Variants in ATP6V0A2 observed in about 807,000 individuals in gnomAD.
The protein encoded by ATP6V0A2 is ATPase H+ transporting V0 subunit a2, also known as V-type proton ATPase 116 kDa subunit a 2.
ATP6V0A2 carries 58 observed loss-of-function variants against 104.4 expected under a neutral mutation model. The ratio of observed to expected loss-of-function variants is 0.56; its 90% CI spans 0.45 to 0.69. ATP6V0A2 has a LOEUF of 0.69. ATP6V0A2 is among the 30% of genes least tolerant of loss of function. The probability of loss-of-function intolerance (pLI) is 0.00; values close to 1 mark genes in which losing one functional copy is unlikely to be tolerated. For missense variants in ATP6V0A2, 938 were observed against 1,062.9 expected, an observed-to-expected ratio of 0.88 and a Z score of 1.63; for synonymous variants, 376 against 397.9, an observed-to-expected ratio of 0.95 and a Z score of 0.65.
At position 123,722,444 on chromosome 12, in the gene ATP6V0A2, T is replaced by C. The variant is rs999069729; in HGVS notation, c.290T>C (p.Met97Thr). ...PAPPLKQVLEMQEQLQKLEVE... is the reference protein window; with the variant it reads ...PAPPLKQVLETQEQLQKLEVE... The stretch of plus-strand genomic sequence containing the variant: ...CCACCCCTGAAACAGGTTCTAGAAA[T>C]GCAGGTAACTTGCTTCTGACGAAGC... Residue 97 changes from methionine to threonine, a missense_variant, in exon 3 of 20, where the codon ATG (methionine) becomes ACG (threonine). By Grantham distance (81) the Met-to-Thr change is moderately conservative. Coordinates refer to ENST00000330342, the MANE Select transcript of ATP6V0A2 (RefSeq NM_012463.4). 1 of 1,601,238 alleles carries C rather than the reference T, an allele frequency of 6.2e-7. No individual in the cohort carries two copies. Among genetic ancestry groups the C allele is most frequent in the Non-Finnish European group, 8.6e-7 (1 of 1,168,256 alleles).
Position 123,756,978 on chromosome 12 carries a change from C to T in ATP6V0A2, c.2457C>T (p.Arg819=). The change falls in exon 19 of 20, where the codon CGC becomes CGT. Residue 819 remains arginine (R), a synonymous_variant. Coordinates refer to ENST00000330342, the MANE Select transcript of ATP6V0A2 (RefSeq NM_012463.4). ...TTTCTGCGTTTCTTCACGCCATACG[C>T]CTCCACTGGTGAGTTTGAAACCTAG... ...EGLSAFLHAI[R]LHWVEFQNKF... 6.2e-7 allele frequency: 1 copy of T among 1,614,208 alleles called. No homozygotes were observed. The highest frequency in any genetic ancestry group is 8.5e-7 in the Non-Finnish European group (1 of 1,180,034).
rs555457146 is a variant in ATP6V0A2 at position 123,744,047 on chromosome 12, C to A, written c.1189+112C>A. ...AGGCTGACCATTACTTTTTTGCTATCTTATTTAAAAGTATAAGGTTTTAAA... is the reference window on the plus strand; with the variant it reads ...AGGCTGACCATTACTTTTTTGCTATATTATTTAAAAGTATAAGGTTTTAAA... On this transcript the variant is annotated intron_variant, in intron 10 of 19. Transcript: ENST00000330342. This position sits in a 1 kb window ranked among gnomAD's most constrained non-coding sequence, Gnocchi z 5.4. The A allele has an allele frequency of 7.4e-5, 115 of 1,551,686 alleles. No homozygotes were observed. The African/African-American group carries it at 1.5e-3, about 21-fold the overall frequency.
chr12:123,725,014 C>T (rs540989796), intron 4 of ATP6V0A2, among the ~76,000 whole-genome samples: 2 of 152,248 alleles, frequency 1.3e-5, no homozygotes, highest in South Asian at 4.1e-4. Context: ...CGGCTCACTG[C>T]ACCCTCCGCC....
intron 1 of ATP6V0A2, among the ~76,000 whole-genome samples, chr12:123,715,235 T>C (rs556501549): frequency 2.0e-5 from 3 of 152,318 alleles, no homozygotes; most frequent in Admixed American, 2.0e-4. Context: ...TATTTGATAT[T>C]GAAGGAAGAA....
Position 123,744,979 on chromosome 12 carries a change from G to A in ATP6V0A2, c.1605+7G>A. ...TCCCCTTGGCATTGATCCTGTGAGTGCACCACGCTCTGTCGTTGTCTCTGG... is the reference window on the plus strand; with the variant it reads ...TCCCCTTGGCATTGATCCTGTGAGTACACCACGCTCTGTCGTTGTCTCTGG... On this transcript the variant is annotated splice_region_variant and intron_variant, in intron 13 of 19. Transcript: ENST00000330342. This position sits in a 1 kb window ranked among gnomAD's most constrained non-coding sequence, Gnocchi z 5.4. 1.2e-6 allele frequency: 2 copies of A among 1,613,454 alleles called. No homozygotes were observed. Among genetic ancestry groups the A allele is most frequent in the Non-Finnish European group, 1.7e-6 (2 of 1,179,354 alleles).
In ATP6V0A2 at chr12:123,744,469, C is replaced by A. The variant is rs1240042230; in HGVS notation, c.1327-128C>A. 6.4e-7 allele frequency: 1 copy of A among 1,557,692 alleles called. No individual in the cohort carries two copies. The highest frequency in any genetic ancestry group is 8.8e-7 in the Non-Finnish European group (1 of 1,134,386). ...CAGGTGTGTGGCCTGTCAGCTGCGG[C>A]TGACAGGGATGTCTGCGGGGCGAGG... On this transcript the variant is annotated intron_variant, in intron 11 of 19. Coordinates refer to ENST00000330342, the MANE Select transcript of ATP6V0A2 (RefSeq NM_012463.4). The surrounding 1 kb of genome is among the most constrained non-coding windows in gnomAD (Gnocchi z 5.4).
chr12:123,727,645 A>T, intron 5 of ATP6V0A2, 138 bp from the exon 6 acceptor site: 1 of 971,240 alleles, frequency 1.0e-6, no homozygotes, highest in East Asian at 2.4e-5. Flanking sequence ...TCTGACCAGC[A>T]CCTGAGATGT....
chr12:123,715,684 A>G (rs114600410), intron 1 of ATP6V0A2, among the ~76,000 whole-genome samples: 1,579 of 152,350 alleles, frequency 0.01, 31 homozygotes, highest in African/African-American at 0.036. Flanking sequence ...AAACATAAGA[A>G]TAGTAACATA....
chr12:123,750,906 G>T (rs113733395), intron 15 of ATP6V0A2: 1 of 624,972 alleles, frequency 1.6e-6, no homozygotes, highest in Non-Finnish European at 2.8e-6. Flanking sequence ...TTTACCACAG[G>T]GTCATTAATG....
intron 16 of ATP6V0A2, 45 bp downstream of exon 16, chr12:123,751,274 CTT>C: frequency 1.2e-6 from 2 of 1,613,840 alleles, no homozygotes; most frequent in East Asian, 2.2e-5. Flanking sequence ...GCAAAGCTTG[CTT>C]TCGGTTATAC....
Position 123,733,907 on chromosome 12 carries a change from C to CCTTTCATTCACA in ATP6V0A2, c.649-16_649-15insTCATTCACACTT, listed in dbSNP as rs1956527596. On this transcript the variant is annotated intron_variant, in intron 6 of 19. Coordinates refer to ENST00000330342, the MANE Select transcript of ATP6V0A2 (RefSeq NM_012463.4). The stretch of plus-strand genomic sequence containing the variant: ...TTATACACGCAGAAATAACACTTAT[C>CCTTTCATTCACA]CTTATTCATTCTTTGTAGGGGGAAG... The CCTTTCATTCACA allele has an allele frequency of 3.8e-6, 6 of 1,576,260 alleles. No homozygotes were observed. Among genetic ancestry groups the CCTTTCATTCACA allele is most frequent in the African/African-American group, 1.3e-5 (1 of 74,210 alleles).
intron 1 of ATP6V0A2, among the ~76,000 whole-genome samples, chr12:123,715,200 A>G (rs576925182): frequency 2.0e-5 from 3 of 152,376 alleles, no homozygotes; most frequent in East Asian, 3.9e-4. Context: ...TTGTAGAAAC[A>G]TCATGCCCAT....
intron 9 of ATP6V0A2, among the ~76,000 whole-genome samples, chr12:123,742,558 C>T (rs950815062): frequency 4.6e-5 from 7 of 152,092 alleles, no homozygotes; most frequent in Non-Finnish European, 7.4e-5. Flanking sequence ...ACATTTTGGC[C>T]GGGTGCAGTG....
intron 17 of ATP6V0A2, chr12:123,754,039 G>T (rs1484648363): frequency 1.6e-5 from 5 of 310,228 alleles, no homozygotes; most frequent in Non-Finnish European, 3.0e-5. Context: ...TACTCTTAGG[G>T]TTGGTGAATA....
chr12:123,732,632 A>ATTT (rs55810827), intron 6 of ATP6V0A2: 76,872 of 143,520 alleles, frequency 0.54, 22,038 homozygotes, highest in East Asian at 0.94. Context: ...CACCTCCTGC[A>ATTT]TTTTTTTTTT....
chr12:123,756,022 A>C (rs575112537), intron 18 of ATP6V0A2, among the ~76,000 whole-genome samples: 1 of 148,112 alleles, frequency 6.8e-6, no homozygotes, highest in Non-Finnish European at 1.5e-5. Context: ...CAGAGCTTGC[A>C]GTGAGCCGAG....
In ATP6V0A2 at chr12:123,735,594, G is replaced by A. The variant is rs754399086; in HGVS notation, c.795G>A (p.Gly265=). 5.6e-6 allele frequency: 9 copies of A among 1,613,750 alleles called. No individual in the cohort carries two copies. The highest frequency in any genetic ancestry group is 7.6e-6 in the Non-Finnish European group (9 of 1,179,886). Residue 265 remains glycine (G), a synonymous_variant, in exon 8 of 20, where the codon GGG becomes GGA. Transcript: ENST00000330342. Reference sequence around the variant, plus strand: ...AGGAGCGGAGGGAGATCCAGGAGGGGCTGAACACCCGCATCCAGGATCTCT... The same window carrying A: ...AGGAGCGGAGGGAGATCCAGGAGGGACTGAACACCCGCATCCAGGATCTCT... ...TAEERREIQE[G]LNTRIQDLYT... is the part of the protein sequence containing the mutation.
intron 9 of ATP6V0A2, among the ~76,000 whole-genome samples, chr12:123,739,936 T>C (rs1411527555): frequency 6.6e-6 from 1 of 152,198 alleles, no homozygotes; most frequent in South Asian, 2.1e-4. Flanking sequence ...TAGAAAAATA[T>C]CTTTTCTTTT....
At chr12:123,747,114 T>A (rs1005187231) in intron 13 of ATP6V0A2, among the ~76,000 whole-genome samples, 1 of 152,180 alleles carries the variant, frequency 6.6e-6, no homozygotes, top group African/African-American at 2.4e-5. Context: ...TCTTGGCACA[T>A]CTTGGGTTGG....
Sources: gnomAD v4.1 joint callset for allele counts (sites outside exome capture counted in the v4.1 genomes callset) on GRCh38, gnomAD v4.1.1 for gene constraint, Gnocchi (gnomAD v3.1) non-coding constraint, MANE v1.5 for transcripts, NCBI Gene and HGNC (gene_info 2026-07-23, HGNC 2026-07-21) for gene names.